Variants in LMNTD1 observed in about 807,000 individuals in gnomAD.
The protein encoded by LMNTD1 is lamin tail domain-containing protein 1.
Under a neutral mutation model 50.9 loss-of-function variants are expected in LMNTD1, and 35 were observed. That is an observed-to-expected ratio of 0.69 (90% confidence interval 0.53 to 0.91). The LOEUF is 0.91. Among genes scored for constraint, LMNTD1 ranks in the 40% least tolerant of loss-of-function variants. The pLI, the probability that LMNTD1 is intolerant of heterozygous loss-of-function variation, is 0.00. For synonymous variants in LMNTD1, 153 were observed against 161.9 expected, an observed-to-expected ratio of 0.94 and a Z score of 0.42; for missense variants, 470 against 475.5, an observed-to-expected ratio of 0.99 and a Z score of 0.11.
At chr12:25,522,792 C>T (rs1340448825) in intron 6 of LMNTD1, among the ~76,000 whole-genome samples, 3 of 146,358 alleles carry the variant, frequency 2.0e-5, no homozygotes, top group Non-Finnish European at 4.4e-5. Context: ...CTTTAAAGGT[C>T]CATAGACTCA....
At chr12:25,547,153 A>C in intron 3 of LMNTD1, 1 of 801,450 alleles carries the variant, frequency 1.2e-6, no homozygotes, top group Non-Finnish European at 1.5e-6. Context: ...AATACAATAT[A>C]GTTTTCATAA....
upstream of LMNTD1, among the ~76,000 whole-genome samples, chr12:25,554,501 T>C (rs1205457731): frequency 1.3e-5 from 2 of 152,236 alleles, no homozygotes; most frequent in African/African-American, 4.8e-5. Flanking sequence ...ACTGTATATA[T>C]GCAATGAAAA....
intron 1 of LMNTD1, among the ~76,000 whole-genome samples, chr12:25,636,266 A>G (rs1243906562): frequency 6.6e-6 from 1 of 152,174 alleles, no homozygotes; most frequent in Non-Finnish European, 1.5e-5. Flanking sequence ...AGAATCTACA[A>G]TGAACTCAAA....
chr12:25,561,106 T>C (rs910680918), intron 1 of LMNTD1, among the ~76,000 whole-genome samples: 4 of 152,188 alleles, frequency 2.6e-5, no homozygotes, highest in Non-Finnish European at 5.9e-5. Flanking sequence ...CCTTGATTCA[T>C]TGATTTTTTG....
intron 9 of LMNTD1, among the ~76,000 whole-genome samples, chr12:25,489,339 T>C (rs1342860748): frequency 6.6e-6 from 1 of 150,526 alleles, no homozygotes; most frequent in Non-Finnish European, 1.5e-5. Flanking sequence ...GGTGCGCCGT[T>C]TTTTAAGCCG....
At chr12:25,499,209 C>T (rs1411260235) in intron 9 of LMNTD1, among the ~76,000 whole-genome samples, 3 of 152,092 alleles carry the variant, frequency 2.0e-5, no homozygotes, top group Admixed American at 2.0e-4. Flanking sequence ...GTAACTGGGA[C>T]TACAGCCAGG....
chr12:25,536,653 T>C (rs1026386993), intron 4 of LMNTD1, among the ~76,000 whole-genome samples: 2 of 149,146 alleles, frequency 1.3e-5, no homozygotes, highest in Admixed American at 6.7e-5. Context: ...ATCAAATCAA[T>C]GACCTCAAAT....
chr12:25,646,789 G>A, intron 1 of LMNTD1, among the ~76,000 whole-genome samples: 1 of 152,176 alleles, frequency 6.6e-6, no homozygotes. Context: ...TTAAAAGGTA[G>A]GTAAGGATCT....
intron 1 of LMNTD1, among the ~76,000 whole-genome samples, chr12:25,631,354 A>G (rs1316670450): frequency 2.0e-5 from 3 of 152,238 alleles, no homozygotes; most frequent in Admixed American, 1.3e-4. Flanking sequence ...AAAATAGAGC[A>G]TTAAACCACC....
intron 1 of LMNTD1, among the ~76,000 whole-genome samples, chr12:25,647,724 T>C (rs1297709068): frequency 1.3e-5 from 2 of 152,202 alleles, no homozygotes; most frequent in Admixed American, 1.3e-4. Flanking sequence ...CTCAGTACTA[T>C]ACATAAAAAA....
chr12:25,581,673 A>G (rs1945294177), intron 1 of LMNTD1, among the ~76,000 whole-genome samples: 1 of 152,222 alleles, frequency 6.6e-6, no homozygotes, highest in Non-Finnish European at 1.5e-5. Flanking sequence ...TATATGTTCT[A>G]GTTCTGAGAG....
chr12:25,516,416 CA>C (rs1170529618), intron 8 of LMNTD1, among the ~76,000 whole-genome samples: 7 of 152,198 alleles, frequency 4.6e-5, no homozygotes, highest in African/African-American at 1.7e-4. Context: ...ATTTTGAAAT[CA>C]AATTTCTCTG....
chr12:25,586,800 A>G (rs1002741300), intron 1 of LMNTD1, among the ~76,000 whole-genome samples: 1 of 152,232 alleles, frequency 6.6e-6, no homozygotes, highest in Non-Finnish European at 1.5e-5. Context: ...AGTTACTGTC[A>G]GTCAAGCCAA....
chr12:25,619,094 T>C (rs1946406865), intron 1 of LMNTD1, among the ~76,000 whole-genome samples: 1 of 152,084 alleles, frequency 6.6e-6, no homozygotes, highest in Admixed American at 6.6e-5. Context: ...TTCAATTTCT[T>C]TACTGTTAAA....
chr12:25,532,752 C>T (rs1258895089), intron 4 of LMNTD1, among the ~76,000 whole-genome samples: 2 of 152,134 alleles, frequency 1.3e-5, no homozygotes, highest in African/African-American at 2.4e-5. Context: ...TTTGCATTAT[C>T]ATTATGGTTC....
intron 4 of LMNTD1, among the ~76,000 whole-genome samples, chr12:25,534,460 C>T (rs1942436285): frequency 6.6e-6 from 1 of 152,130 alleles, no homozygotes; most frequent in African/African-American, 2.4e-5. Flanking sequence ...TTCAAGGCTG[C>T]ATCATGGAGG....
At chr12:25,496,286 A>G (rs987807733) in intron 9 of LMNTD1, among the ~76,000 whole-genome samples, 3 of 152,172 alleles carry the variant, frequency 2.0e-5, no homozygotes, top group African/African-American at 7.2e-5. Context: ...GAACATGATA[A>G]TCATCACAAA....
chr12:25,599,867 T>C (rs1220287958), intron 1 of LMNTD1, among the ~76,000 whole-genome samples: 1 of 151,984 alleles, frequency 6.6e-6, no homozygotes, highest in African/African-American at 2.4e-5. Flanking sequence ...AAAATGTCCA[T>C]ACTACCCAAA....
At chr12:25,608,873 G>T (rs1592100652) in intron 1 of LMNTD1, among the ~76,000 whole-genome samples, 3 of 152,282 alleles carry the variant, frequency 2.0e-5, no homozygotes, top group African/African-American at 7.2e-5. Flanking sequence ...GCCCTGCCTT[G>T]TTTGGTTGGG....
Sources: gnomAD v4.1 joint callset for allele counts (sites outside exome capture counted in the v4.1 genomes callset) on GRCh38, gnomAD v4.1.1 for gene constraint, MANE v1.5 for transcripts, NCBI Gene and HGNC (gene_info 2026-07-23, HGNC 2026-07-21) for gene names.